Variants in DERA observed in about 807,000 individuals in gnomAD.
DERA encodes deoxyribose-phosphate aldolase, also known as 2-deoxy-D-ribose 5-phosphate aldolase.
In DERA, 15 loss-of-function variants were observed where a neutral mutation model predicts 41.1. The observed-to-expected ratio is 0.37, with a 90% CI of 0.24 to 0.56. DERA has a LOEUF of 0.56. Ranked by LOEUF, DERA falls within the 20% of genes least tolerant of loss-of-function variation. The pLI is 0.81. For synonymous variants in DERA, 139 were observed against 137.4 expected, an observed-to-expected ratio of 1.01 and a Z score of -0.08; for missense variants, 396 against 403.4, an observed-to-expected ratio of 0.98 and a Z score of 0.16.
In DERA at chr12:15,995,288, A is replaced by T. The variant is rs1226374556; in HGVS notation, c.637+12852A>T. On this transcript the variant is annotated intron_variant, in intron 6 of 8. Transcript: ENST00000428559. The surrounding 1 kb of genome is among the most constrained non-coding windows in gnomAD (Gnocchi z 5.1). Reference sequence around the variant, plus strand: ...TGCAGAAATTTATAGGAGTTGGTGAACATGAAATCAATATAAAAGAGAAAA... The same window carrying T: ...TGCAGAAATTTATAGGAGTTGGTGATCATGAAATCAATATAAAAGAGAAAA... 6.6e-6 allele frequency among the ~76,000 whole-genome samples: 1 copy of T among 152,184 alleles called. No individual in the cohort carries two copies. The highest frequency in any genetic ancestry group is 1.5e-5 in the Non-Finnish European group (1 of 68,028).
At chr12:15,971,670 C>A (rs894192750) in intron 5 of DERA, among the ~76,000 whole-genome samples, 3 of 152,040 alleles carry the variant, frequency 2.0e-5, no homozygotes, top group Non-Finnish European at 4.4e-5. Flanking sequence ...GTGTCCACCA[C>A]CATGCCCAGC....
intron 1 of DERA, among the ~76,000 whole-genome samples, chr12:15,926,889 C>A (rs937893403): frequency 6.6e-6 from 1 of 152,080 alleles, no homozygotes; most frequent in Non-Finnish European, 1.5e-5. Flanking sequence ...TTATATGTAA[C>A]GAATTAACTC....
chr12:16,013,905 G>C lies in DERA; in HGVS notation c.638-18637G>C, dbSNP rs1948963132. Among the ~76,000 whole-genome samples the C allele has an allele frequency of 6.6e-6, 1 of 152,168 alleles. No individual in the cohort carries two copies. Among genetic ancestry groups the C allele is most frequent in the Non-Finnish European group, 1.5e-5 (1 of 68,038 alleles). On this transcript the variant is annotated intron_variant, in intron 6 of 8. Coordinates refer to ENST00000428559, the MANE Select transcript of DERA (RefSeq NM_015954.4). This position sits in a 1 kb window ranked among gnomAD's most constrained non-coding sequence, Gnocchi z 5.8. ...GAGGACTGGAGCAAAGGTCACTCTT[G>C]CTGTGCTTTAGCAAAGAGACTGGTG...
At chr12:16,027,649 G>C (rs936774756) in intron 6 of DERA, among the ~76,000 whole-genome samples, 1 of 152,224 alleles carries the variant, frequency 6.6e-6, no homozygotes, top group Non-Finnish European at 1.5e-5. Context: ...TCTCCACAGA[G>C]AGTATGGCTC....
At position 15,943,697 on chromosome 12, in the gene DERA, T is replaced by G. The variant is rs1398772781; in HGVS notation, c.32-13239T>G. Among the ~76,000 whole-genome samples, 1 of 141,516 alleles carries G rather than the reference T, an allele frequency of 7.1e-6. No individual in the cohort carries two copies. Among genetic ancestry groups the G allele is most frequent in the African/African-American group, 2.7e-5 (1 of 37,454 alleles). The allele number at this position is 141,516 out of a possible 152,430, so 92.8% of individuals were successfully genotyped here. On this transcript the variant is annotated intron_variant, in intron 1 of 8. Transcript: ENST00000428559. The surrounding 1 kb of genome is among the most constrained non-coding windows in gnomAD (Gnocchi z 4.5). Reference sequence around the variant, plus strand: ...CTATTTTCTGTTTCTTCTTTTTTATTTTTTAATTTTTATTTATTTATTTAT... The same window carrying G: ...CTATTTTCTGTTTCTTCTTTTTTATGTTTTAATTTTTATTTATTTATTTAT...
At position 15,972,889 on chromosome 12, in the gene DERA, C is replaced by T. The variant is rs939161834; in HGVS notation, c.509-9419C>T. On this transcript the variant is annotated intron_variant, in intron 5 of 8. Coordinates refer to ENST00000428559, the MANE Select transcript of DERA (RefSeq NM_015954.4). The surrounding 1 kb of genome is among the most constrained non-coding windows in gnomAD (Gnocchi z 4.4). ...ATCGATGCAAGTTCCTGCTGGCGTG[C>T]GGGGACAGCATTGCAGAAGGTAGGG... Among the ~76,000 whole-genome samples, 12 of 152,100 alleles carry T rather than the reference C, an allele frequency of 7.9e-5. No homozygotes were observed. Among genetic ancestry groups the T allele is most frequent in the African/African-American group, 1.7e-4 (7 of 41,416 alleles).
chr12:16,010,443 C>T lies in DERA; in HGVS notation c.638-22099C>T, dbSNP rs1948939561. 6.6e-6 allele frequency among the ~76,000 whole-genome samples: 1 copy of T among 151,722 alleles called. No individual in the cohort carries two copies. The highest frequency in any genetic ancestry group is 2.4e-5 in the African/African-American group (1 of 41,304). ...TGATGGTGACCTTTTCTGCTTGTAC[C>T]TTTACCCATAGATGAGGTTTTCCGA... On this transcript the variant is annotated intron_variant, in intron 6 of 8. Transcript: ENST00000428559. This position sits in a 1 kb window ranked among gnomAD's most constrained non-coding sequence, Gnocchi z 5.5.
rs1948959021 is a variant in DERA, at chr12:16,013,338, G to A, written c.638-19204G>A. 6.6e-6 allele frequency among the ~76,000 whole-genome samples: 1 copy of A among 152,182 alleles called. No homozygotes were observed. Among genetic ancestry groups the A allele is most frequent in the East Asian group, 1.9e-4 (1 of 5,194 alleles). On this transcript the variant is annotated intron_variant, in intron 6 of 8. Transcript: ENST00000428559. This position sits in a 1 kb window ranked among gnomAD's most constrained non-coding sequence, Gnocchi z 5.8. ...CCCATAATCCCCACATGTTAAAGGT[G>A]AGACCAGGTGGAGGTAATTGAATCA...
intron 6 of DERA, among the ~76,000 whole-genome samples, chr12:16,028,975 G>T (rs1316163475): frequency 6.6e-6 from 1 of 152,160 alleles, no homozygotes; most frequent in Non-Finnish European, 1.5e-5. Context: ...GTGGACTTTG[G>T]TTAATAGTAT....
Position 15,957,767 on chromosome 12 carries a change from AAACT to A in DERA, c.130-420_130-417del, listed in dbSNP as rs1390959120. On this transcript the variant is annotated intron_variant, in intron 2 of 8. Transcript: ENST00000428559. This position sits in a 1 kb window ranked among gnomAD's most constrained non-coding sequence, Gnocchi z 4.8. ...ATTGAAAAAACACCAAAAAACTTGG[AAACT>A]TTTAAAAATGATAATCTCATCCCAG... Among the ~76,000 whole-genome samples the A allele has an allele frequency of 6.6e-6, 1 of 152,230 alleles. No individual in the cohort carries two copies. The highest frequency in any genetic ancestry group is 2.4e-5 in the African/African-American group (1 of 41,462).
chr12:15,969,051 G>T (rs1208505852), intron 5 of DERA, among the ~76,000 whole-genome samples: 1 of 152,090 alleles, frequency 6.6e-6, no homozygotes, highest in Admixed American at 6.5e-5. Flanking sequence ...TTTATGTTTA[G>T]TGTTTTCATT....
chr12:15,968,606 G>A (rs538809776), intron 5 of DERA, among the ~76,000 whole-genome samples: 6 of 152,360 alleles, frequency 3.9e-5, no homozygotes, highest in African/African-American at 1.4e-4. Context: ...ACAGATCTTG[G>A]CTGGAATCTT....
At chr12:16,016,697 C>G (rs1050470576) in intron 6 of DERA, among the ~76,000 whole-genome samples, 1 of 139,478 alleles carries the variant, frequency 7.2e-6, no homozygotes, top group African/African-American at 2.7e-5. Context: ...AGGGCTGAGG[C>G]AAGAGGATCT....
Position 15,915,824 on chromosome 12 carries a change from C to G in DERA, c.31+4410C>G, listed in dbSNP as rs921986234. 1.3e-5 allele frequency among the ~76,000 whole-genome samples: 2 copies of G among 152,158 alleles called. No homozygotes were observed. The highest frequency in any genetic ancestry group is 2.9e-5 in the Non-Finnish European group (2 of 68,032). The stretch of plus-strand genomic sequence containing the variant: ...AGATAGCATGATCCAGGTTTACACA[C>G]GAGCAAACTGAGGTACAGGGAGTTT... On this transcript the variant is annotated intron_variant, in intron 1 of 8. Transcript: ENST00000428559. This position sits in a 1 kb window ranked among gnomAD's most constrained non-coding sequence, Gnocchi z 4.8.
intron 1 of DERA, among the ~76,000 whole-genome samples, chr12:15,927,547 A>G (rs1286774567): frequency 2.0e-5 from 3 of 152,182 alleles, no homozygotes; most frequent in South Asian, 2.1e-4. Flanking sequence ...ATCAGGAGTA[A>G]TATGAACTCA....
rs1231312138 is a variant in DERA, at chr12:15,981,304, C to T, written c.509-1004C>T. On this transcript the variant is annotated intron_variant, in intron 5 of 8. Coordinates refer to ENST00000428559, the MANE Select transcript of DERA (RefSeq NM_015954.4). The surrounding 1 kb of genome is among the most constrained non-coding windows in gnomAD (Gnocchi z 6.1). ...CGGAGGTTGCAGTGAGCTGAGATCA[C>T]GCCACTGCACTCCAGCCTGGGTGAC... 2.6e-5 allele frequency among the ~76,000 whole-genome samples: 4 copies of T among 152,056 alleles called. No homozygotes were observed. The highest frequency in any genetic ancestry group is 2.0e-4 in the Admixed American group (3 of 15,268).
chr12:15,931,530 T>C lies in DERA; in HGVS notation c.31+20116T>C, dbSNP rs1235560453. ...TTGACAAAACTGTCATCAGAAGTTT[T>C]CCCAGAGTACATTAAGTTGAAAAAC... On this transcript the variant is annotated intron_variant, in intron 1 of 8. Coordinates refer to ENST00000428559, the MANE Select transcript of DERA (RefSeq NM_015954.4). This position sits in a 1 kb window ranked among gnomAD's most constrained non-coding sequence, Gnocchi z 4.6. Among the ~76,000 whole-genome samples, 2 of 152,242 alleles carry C rather than the reference T, an allele frequency of 1.3e-5. No homozygotes were observed. The highest frequency in any genetic ancestry group is 1.9e-4 in the East Asian group (1 of 5,202).
chr12:15,994,600 C>T lies in DERA; in HGVS notation c.637+12164C>T, dbSNP rs541277950. On this transcript the variant is annotated intron_variant, in intron 6 of 8. Coordinates refer to ENST00000428559, the MANE Select transcript of DERA (RefSeq NM_015954.4). The surrounding 1 kb of genome is among the most constrained non-coding windows in gnomAD (Gnocchi z 4.8). ...TCCTGAATAGCTGGGACTACAGGCG[C>T]CTGCAACCACGCCTGGCTAATTTTT... 2.6e-5 allele frequency among the ~76,000 whole-genome samples: 4 copies of T among 152,288 alleles called. No individual in the cohort carries two copies. In the East Asian group the frequency reaches 7.7e-4, roughly 30 times the overall value.
intron 1 of DERA, among the ~76,000 whole-genome samples, chr12:15,933,385 G>A (rs568408787): frequency 6.6e-6 from 1 of 152,130 alleles, no homozygotes; most frequent in African/African-American, 2.4e-5. Flanking sequence ...TTTCCACACT[G>A]ATCCTCTGAT....
Sources: gnomAD v4.1 joint callset for allele counts (sites outside exome capture counted in the v4.1 genomes callset) on GRCh38, gnomAD v4.1.1 for gene constraint, Gnocchi (gnomAD v3.1) non-coding constraint, MANE v1.5 for transcripts, NCBI Gene and HGNC (gene_info 2026-07-23, HGNC 2026-07-21) for gene names.